PHLDB1: variants seen among roughly 807,000 people sequenced by gnomAD.
The protein encoded by PHLDB1 is pleckstrin homology-like domain family B member 1.
In PHLDB1, 65 loss-of-function variants were observed where a neutral mutation model predicts 139.3. The observed-to-expected ratio is 0.47, with a 90% CI of 0.38 to 0.57. The LOEUF (loss-of-function observed/expected upper bound fraction) is 0.57. PHLDB1 is among the 20% of genes least tolerant of loss of function. The pLI is 0.00. For synonymous variants in PHLDB1, 679 were observed against 734.5 expected (o/e 0.92, Z 1.22); for missense variants, 1,624 against 1,839.7 (o/e 0.88, Z 2.14).
chr11:118,645,945 T>C lies in PHLDB1; in HGVS notation c.3507+120T>C, dbSNP rs1020843072. On this transcript the variant is annotated intron_variant, in intron 17 of 22. Coordinates refer to ENST00000600882, the MANE Select transcript of PHLDB1 (RefSeq NM_001144758.3). The surrounding 1 kb of genome is among the most constrained non-coding windows in gnomAD (Gnocchi z 5.1). Reference sequence around the variant, plus strand: ...CCCACATTAGCCTTGCCACATTCCCTTGGGGTAGAAAATGTTTTAAAAGGT... The same window carrying C: ...CCCACATTAGCCTTGCCACATTCCCCTGGGGTAGAAAATGTTTTAAAAGGT... 4 of 738,756 alleles carry C rather than the reference T, an allele frequency of 5.4e-6. No homozygotes were observed. The highest frequency in any genetic ancestry group is 1.7e-5 in the African/African-American group (1 of 57,860). The allele number at this position is 738,756 out of a possible 1,614,324, so 45.8% of individuals were successfully genotyped here.
rs782358979 is a variant in PHLDB1, at chr11:118,614,603, G to T, written c.105G>T (p.Val35=). 2 of 1,613,992 alleles carry T rather than the reference G, an allele frequency of 1.2e-6. No homozygotes were observed. The highest frequency in any genetic ancestry group is 2.7e-5 in the African/African-American group (2 of 75,016). Residue 35 remains valine, a synonymous_variant, in exon 3 of 23, where the codon GTG becomes GTT. Transcript: ENST00000600882. The part of the protein sequence containing the change: ...DLIETGKGLK[V]QTDKPHLVSL... Reference sequence around the variant, plus strand: ...TCGAGACAGGCAAAGGGCTGAAAGTGCAAACGGACAAACCCCACCTGGTGA... The same window carrying T: ...TCGAGACAGGCAAAGGGCTGAAAGTTCAAACGGACAAACCCCACCTGGTGA...
chr11:118,628,723 C>T, intron 6 of PHLDB1, 73 bp downstream of exon 6: 1 of 1,455,758 alleles, frequency 6.9e-7, no homozygotes. Flanking sequence ...GGCCAGCTGG[C>T]AGAGCAGGAG....
intron 4 of PHLDB1, among the ~76,000 whole-genome samples, chr11:118,618,143 G>A (rs2135866344): frequency 6.6e-6 from 1 of 152,160 alleles, no homozygotes; most frequent in African/African-American, 2.4e-5. Flanking sequence ...CCAGCCAGAG[G>A]CCTACCCAGC....
chr11:118,627,625 G>A lies in PHLDB1; in HGVS notation c.802G>A (p.Ala268Thr). The stretch of plus-strand genomic sequence containing the variant: ...TTCACCAGCCAGCAGTGGAAGCTGT[G>A]CCAGTCACTCACCCAGTGGGCAAGA... Reference protein sequence around the residue: ...LSSPASSGSCASHSPSGQEPG... With the variant: ...LSSPASSGSCTSHSPSGQEPG... Residue 268 changes from alanine to threonine, a missense_variant, in exon 6 of 23, where the codon GCC becomes ACC. Transcript: ENST00000600882. 1 of 1,612,950 alleles carries A rather than the reference G, an allele frequency of 6.2e-7. No individual in the cohort carries two copies. The highest frequency in any genetic ancestry group is 8.5e-7 in the Non-Finnish European group (1 of 1,180,024).
At chr11:118,634,911 C>A (rs1555113964) in intron 9 of PHLDB1, 1 of 441,332 alleles carries the variant, frequency 2.3e-6, no homozygotes, top group Non-Finnish European at 4.6e-6. Context: ...CCCTCGCCCT[C>A]CCGCCGACCA....
At chr11:118,642,717 C>G (rs1946780906) in intron 13 of PHLDB1, among the ~76,000 whole-genome samples, 1 of 152,228 alleles carries the variant, frequency 6.6e-6, no homozygotes, top group Non-Finnish European at 1.5e-5. Context: ...CTTGGCAGCC[C>G]CCAACACCTG....
intron 6 of PHLDB1, 49 bp from the exon 7 acceptor site, chr11:118,631,158 A>G: frequency 7.3e-7 from 1 of 1,369,364 alleles, no homozygotes; most frequent in Non-Finnish European, 9.5e-7. Flanking sequence ...TATCCCCACC[A>G]GGGCTCAGCT....
intron 15 of PHLDB1, chr11:118,644,630 G>A: frequency 7.8e-7 from 1 of 1,284,652 alleles, no homozygotes; most frequent in South Asian, 1.2e-5. Context: ...CCCTCTGCCT[G>A]GGGTCCCCCA....
rs1370750580 is a variant in PHLDB1, at chr11:118,645,727, C to T, written c.3417-8C>T. 5 of 1,612,752 alleles carry T rather than the reference C, an allele frequency of 3.1e-6. No individual in the cohort carries two copies. In the African/African-American group the frequency reaches 4.0e-5, roughly 13 times the overall value. On this transcript the variant is annotated splice_region_variant and splice_polypyrimidine_tract_variant and intron_variant, in intron 16 of 22. Transcript: ENST00000600882. The surrounding 1 kb of genome is among the most constrained non-coding windows in gnomAD (Gnocchi z 5.1). ...TTGATGCACTTCCTCTTCCCCTTCT[C>T]TCCCCAGCGCGAGTGGTCTGGACAT...
At chr11:118,655,943 C>G (rs782654433) in intron 22 of PHLDB1, 51 bp downstream of exon 22, 5 of 1,352,864 alleles carry the variant, frequency 3.7e-6, no homozygotes, top group South Asian at 3.5e-5. Flanking sequence ...TCCTGTACCC[C>G]ACTCATCCCT....
intron 12 of PHLDB1, chr11:118,641,969 C>A: frequency 1.8e-6 from 1 of 550,454 alleles, no homozygotes; most frequent in Middle Eastern, 4.1e-4. Flanking sequence ...GGAAGTTGTA[C>A]CCTGACTGTT....
At chr11:118,621,098 C>T (rs1942676688) in intron 4 of PHLDB1, among the ~76,000 whole-genome samples, 1 of 152,060 alleles carries the variant, frequency 6.6e-6, no homozygotes, top group Non-Finnish European at 1.5e-5. Context: ...CTGTCCTTTG[C>T]TTGGCCTCAC....
chr11:118,645,339 A>T lies in PHLDB1; in HGVS notation c.3122-17A>T. 2 of 1,507,144 alleles carry T rather than the reference A, an allele frequency of 1.3e-6. No homozygotes were observed. The highest frequency in any genetic ancestry group is 1.8e-6 in the Non-Finnish European group (2 of 1,127,796). 93.4% of individuals were successfully genotyped at this position (1,507,144 alleles called of 1,614,324 possible). ...GCGTGGGGAGCCCACTGTGACTCCC[A>T]TCTGTCTCTCCTTCAGGACAACAAG... On this transcript the variant is annotated splice_polypyrimidine_tract_variant and intron_variant, in intron 15 of 22. Coordinates refer to ENST00000600882, the MANE Select transcript of PHLDB1 (RefSeq NM_001144758.3). This position sits in a 1 kb window ranked among gnomAD's most constrained non-coding sequence, Gnocchi z 5.1.
chr11:118,629,876 C>T, intron 6 of PHLDB1: 1 of 469,718 alleles, frequency 2.1e-6, no homozygotes, highest in Non-Finnish European at 3.6e-6. Context: ...AAGCACACAT[C>T]TTACCACTAG....
chr11:118,627,749 A>T lies in PHLDB1; in HGVS notation c.926A>T (p.Glu309Val), dbSNP rs782269003. The T allele has an allele frequency of 1.2e-6, 2 of 1,608,316 alleles. No individual in the cohort carries two copies. Among genetic ancestry groups the T allele is most frequent in the Admixed American group, 1.7e-5 (1 of 59,998 alleles). The stretch of plus-strand genomic sequence containing the variant: ...TCCCGCCCAAGTGGTGCTCGCTCCG[A>T]GAGTCCTCGGCTGAGCAGGAAAGGG... ...PQSRPSGARS[E>V]SPRLSRKGGH... The change falls in exon 6 of 23, where the codon GAG (glutamate) becomes GTG (valine). Residue 309 changes from glutamate to valine, a missense_variant. Physicochemically the swap from Glu to Val is moderately radical, Grantham distance 121. Coordinates refer to ENST00000600882, the MANE Select transcript of PHLDB1 (RefSeq NM_001144758.3).
At chr11:118,629,381 A>T (rs1460151553) in intron 6 of PHLDB1, among the ~76,000 whole-genome samples, 1 of 152,252 alleles carries the variant, frequency 6.6e-6, no homozygotes, top group African/African-American at 2.4e-5. Context: ...TGGAGATGGC[A>T]TCTGAGCTGG....
Position 118,611,033 on chromosome 11 carries a change from A to G in PHLDB1, c.-21-2783A>G, listed in dbSNP as rs541649425. On this transcript the variant is annotated intron_variant, in intron 1 of 22. Coordinates refer to ENST00000600882, the MANE Select transcript of PHLDB1 (RefSeq NM_001144758.3). This position sits in a 1 kb window ranked among gnomAD's most constrained non-coding sequence, Gnocchi z 4.7. ...CGCGGGGCCGGGCGGGCGGGTAATG[A>G]CAGCCGGGTTGCTGGGGAGCCGCGG... Among the ~76,000 whole-genome samples, 1 of 152,222 alleles carries G rather than the reference A, an allele frequency of 6.6e-6. No homozygotes were observed. Among genetic ancestry groups the G allele is most frequent in the South Asian group, 2.1e-4 (1 of 4,824 alleles).
At chr11:118,633,232 CTTCTT>C (rs781906601) in intron 9 of PHLDB1, 2 of 152,364 alleles carry the variant, frequency 1.3e-5, no homozygotes, top group Non-Finnish European at 2.9e-5. Context: ...ATGCTGCCTC[CTTCTT>C]TTCTTGGTGT....
chr11:118,613,581 T>G, intron 1 of PHLDB1: 1 of 688,942 alleles, frequency 1.5e-6, no homozygotes, highest in Non-Finnish European at 2.2e-6. Flanking sequence ...TGTTTGTGCT[T>G]ACAGTGGCAG....
Sources: allele counts gnomAD v4.1 joint callset (sites outside exome capture counted in the v4.1 genomes callset), GRCh38; gene constraint gnomAD v4.1.1; non-coding constraint Gnocchi (gnomAD v3.1); transcripts MANE v1.5; gene names NCBI Gene and HGNC (gene_info 2026-07-23, HGNC 2026-07-21).